Variants in SLIT2 observed in about 807,000 individuals in gnomAD.
SLIT2 encodes slit homolog 2 protein.
Under a neutral mutation model 185.7 loss-of-function variants are expected in SLIT2, and 41 were observed. The observed-to-expected ratio is 0.22, with a 90% CI of 0.17 to 0.29. SLIT2 has a LOEUF of 0.29. Among genes scored for constraint, SLIT2 ranks in the 10% least tolerant of loss-of-function variants. The pLI, the probability that SLIT2 is intolerant of heterozygous loss-of-function variation, is 1.00. For missense variants in SLIT2, 1,571 were observed against 1,909.0 expected (o/e 0.82, Z 3.30); for synonymous variants, 693 against 680.2 (o/e 1.02, Z -0.29).
At chr4:20,510,637 CTT>C in intron 10 of SLIT2, 71 bp downstream of exon 10, 2 of 932,924 alleles carry the variant, frequency 2.1e-6, no homozygotes. Flanking sequence ...TGCAAAGAAA[CTT>C]AAGTATGAGT....
chr4:20,429,225 C>T (rs748677223), intron 4 of SLIT2, among the ~76,000 whole-genome samples: 12 of 151,718 alleles, frequency 7.9e-5, no homozygotes, highest in Admixed American at 1.3e-4. Flanking sequence ...GCGAGTTTAT[C>T]GGTTCCTCTG....
intron 4 of SLIT2, among the ~76,000 whole-genome samples, chr4:20,311,056 T>G (rs1220253679): frequency 6.6e-6 from 1 of 152,198 alleles, no homozygotes; most frequent in Admixed American, 6.5e-5. Context: ...GCAAATTATT[T>G]TTTTAATTTT....
chr4:20,553,415 T>C (rs1272437091), intron 25 of SLIT2, among the ~76,000 whole-genome samples: 1 of 152,210 alleles, frequency 6.6e-6, no homozygotes, highest in Non-Finnish European at 1.5e-5. Context: ...TAATGCATTA[T>C]TTATATTTGG....
rs137915323 is a variant in SLIT2, at chr4:20,595,740, G to A, written c.3226G>A (p.Asp1076Asn). The A allele has an allele frequency of 8.1e-6, 13 of 1,613,950 alleles. No homozygotes were observed. The highest frequency in any genetic ancestry group is 5.0e-5 in the Admixed American group (3 of 59,990). Residue 1076 changes from aspartate to asparagine, a missense_variant, in exon 31 of 37, where the codon GAT (aspartate) becomes AAT (asparagine). By Grantham distance (23) the Asp-to-Asn change is conservative. Coordinates refer to ENST00000504154, the MANE Select transcript of SLIT2 (RefSeq NM_004787.4). ...PGYVGEHCDIDFDDCQDNKCK... is the reference protein window; with the variant it reads ...PGYVGEHCDINFDDCQDNKCK... ...GTACGTAGGTGAACACTGCGACATC[G>A]ATTTTGACGACTGCCAAGACAACAA...
At chr4:20,521,773 T>TGCTAC in intron 12 of SLIT2, among the ~76,000 whole-genome samples, 1 of 152,180 alleles carries the variant, frequency 6.6e-6, no homozygotes, top group East Asian at 1.9e-4. Flanking sequence ...GAGAAAGTCA[T>TGCTAC]CACTTTGCAT....
chr4:20,528,150 A>T lies in SLIT2; in HGVS notation c.1463-799A>T, dbSNP rs1402965584. ...CGGTAGTAATACTCTTACTGTGGTC[A>T]TAAACATTCTGCGGGAAGAATGCAT... On this transcript the variant is annotated intron_variant, in intron 15 of 36. Coordinates refer to ENST00000504154, the MANE Select transcript of SLIT2 (RefSeq NM_004787.4). The surrounding 1 kb of genome is among the most constrained non-coding windows in gnomAD (Gnocchi z 4.2). The T allele has an allele frequency of 2.2e-6, 1 of 464,242 alleles. No homozygotes were observed. The highest frequency in any genetic ancestry group is 2.6e-5 in the Admixed American group (1 of 38,926). The allele number at this position is 464,242 out of a possible 1,614,324, so 28.8% of individuals were successfully genotyped here.
intron 4 of SLIT2, among the ~76,000 whole-genome samples, chr4:20,354,908 A>T (rs13105788): frequency 0.1 from 6,012 of 59,258 alleles, 148 homozygotes; most frequent in East Asian, 0.29. Context: ...TGTGTGTGTG[A>T]GAGAGAGAGA....
At chr4:20,271,600 A>AAACAT (rs1314375069) in intron 4 of SLIT2, among the ~76,000 whole-genome samples, 1 of 150,672 alleles carries the variant, frequency 6.6e-6, no homozygotes, top group African/African-American at 2.4e-5. Context: ...CTTCCTCTGT[A>AAACAT]TAGGTTGTTC....
At chr4:20,343,686 T>C (rs1365884760) in intron 4 of SLIT2, among the ~76,000 whole-genome samples, 1 of 151,746 alleles carries the variant, frequency 6.6e-6, no homozygotes, top group Non-Finnish European at 1.5e-5. Flanking sequence ...ATTTATTTTT[T>C]TGTAGAGACA....
In SLIT2 at chr4:20,408,026, C is replaced by T. The variant is rs555552406; in HGVS notation, c.396-59726C>T. Among the ~76,000 whole-genome samples, 4 of 152,170 alleles carry T rather than the reference C, an allele frequency of 2.6e-5. No individual in the cohort carries two copies. The South Asian group carries it at 6.2e-4, about 24-fold the overall frequency. On this transcript the variant is annotated intron_variant, in intron 4 of 36. Transcript: ENST00000504154. Reference sequence around the variant, plus strand: ...AAAAGCAGAGAAAAAATGCGAGAACCGTGGTGATCAGCAACTATTGTTATC... The same window carrying T: ...AAAAGCAGAGAAAAAATGCGAGAACTGTGGTGATCAGCAACTATTGTTATC...
intron 9 of SLIT2, among the ~76,000 whole-genome samples, chr4:20,506,570 G>A (rs1407300675): frequency 6.6e-6 from 1 of 151,788 alleles, no homozygotes; most frequent in African/African-American, 2.4e-5. Flanking sequence ...TTTATAATCT[G>A]ATTTAAATAT....
chr4:20,399,517 G>A (rs190980935), intron 4 of SLIT2, among the ~76,000 whole-genome samples: 10 of 151,676 alleles, frequency 6.6e-5, no homozygotes, highest in Non-Finnish European at 1.5e-4. Context: ...TAAAGTGATC[G>A]GAATAATAAT....
At chr4:20,362,525 G>A (rs2109297374) in intron 4 of SLIT2, among the ~76,000 whole-genome samples, 1 of 151,954 alleles carries the variant, frequency 6.6e-6, no homozygotes, top group Admixed American at 6.6e-5. Context: ...TTAAATGGAT[G>A]TTTGTATTAA....
At chr4:20,374,207 T>G (rs1217022132) in intron 4 of SLIT2, among the ~76,000 whole-genome samples, 2 of 152,114 alleles carry the variant, frequency 1.3e-5, no homozygotes, top group Non-Finnish European at 2.9e-5. Context: ...TCTGGAGGAA[T>G]GAACACCAGA....
At chr4:20,255,118 G>A (rs1474272943) in intron 1 of SLIT2, 1 of 453,078 alleles carries the variant, frequency 2.2e-6, no homozygotes, top group Non-Finnish European at 4.4e-6. Flanking sequence ...GGGAGTAAGC[G>A]AAGGGCGCGG....
intron 4 of SLIT2, among the ~76,000 whole-genome samples, chr4:20,287,149 A>C (rs919218267): frequency 2.0e-5 from 3 of 152,120 alleles, no homozygotes; most frequent in African/African-American, 7.2e-5. Flanking sequence ...CATGGACTTC[A>C]GGAGTGACTC....
chr4:20,609,890 A>G (rs1416870145), intron 33 of SLIT2, 123 bp from the exon 34 acceptor site: 1 of 831,918 alleles, frequency 1.2e-6, no homozygotes, highest in Non-Finnish European at 1.8e-6. Flanking sequence ...ACTCGTCTTT[A>G]TCTTCATTAG....
At chr4:20,561,806 AAGG>A (rs200782798) in intron 26 of SLIT2, among the ~76,000 whole-genome samples, 2,029 of 151,880 alleles carry the variant, frequency 0.013, 31 homozygotes, top group South Asian at 0.027. Context: ...CCATTTAAAA[AAGG>A]GGGGGCTCTT....
At chr4:20,382,756 C>A (rs1353499535) in intron 4 of SLIT2, among the ~76,000 whole-genome samples, 2 of 151,918 alleles carry the variant, frequency 1.3e-5, no homozygotes, top group Non-Finnish European at 2.9e-5. Flanking sequence ...CACTTCCACT[C>A]AAAATATCCA....
Sources: allele counts gnomAD v4.1 joint callset (sites outside exome capture counted in the v4.1 genomes callset), GRCh38; gene constraint gnomAD v4.1.1; non-coding constraint Gnocchi (gnomAD v3.1); transcripts MANE v1.5; gene names NCBI Gene and HGNC (gene_info 2026-07-23, HGNC 2026-07-21).